TYMS: variants seen among roughly 807,000 people sequenced by gnomAD.
The protein encoded by TYMS is thymidylate synthetase, also known as thymidylate synthase.
TYMS carries 21 observed loss-of-function variants against 39.3 expected under a neutral mutation model. That is an observed-to-expected ratio of 0.54 (90% confidence interval 0.38 to 0.77). TYMS has a LOEUF of 0.77. Ranked by LOEUF, TYMS falls within the 30% of genes least tolerant of loss-of-function variation. TYMS has a pLI of 0.00. For synonymous variants in TYMS, 171 were observed against 162.2 expected (o/e 1.05, Z -0.41); for missense variants, 273 against 406.7 (o/e 0.67, Z 2.83).
Position 658,757 on chromosome 18 carries a change from G to A in TYMS, c.205+810G>A. ...GGGGAGGGGACTCGAAGGTGTGTGA[G>A]CCAGGGGCTGACCTTGACCGCTCAG... On this transcript the variant is annotated intron_variant, in intron 1 of 6. Transcript: ENST00000323274. This position sits in a 1 kb window ranked among gnomAD's most constrained non-coding sequence, Gnocchi z 4.5. 4.8e-6 allele frequency: 1 copy of A among 208,186 alleles called. No homozygotes were observed. The highest frequency in any genetic ancestry group is 9.7e-6 in the Non-Finnish European group (1 of 103,408). 12.9% of individuals were successfully genotyped at this position (208,186 alleles called of 1,614,324 possible).
Position 658,843 on chromosome 18 carries a change from G to A in TYMS, c.206-798G>A, listed in dbSNP as rs1291984895. 1 of 162,900 alleles carries A rather than the reference G, an allele frequency of 6.1e-6. No individual in the cohort carries two copies. The highest frequency in any genetic ancestry group is 1.8e-4 in the South Asian group (1 of 5,502). The allele number at this position is 162,900 out of a possible 1,614,324, so 10.1% of individuals were successfully genotyped here. On this transcript the variant is annotated intron_variant, in intron 1 of 6. Coordinates refer to ENST00000323274, the MANE Select transcript of TYMS (RefSeq NM_001071.4). The surrounding 1 kb of genome is among the most constrained non-coding windows in gnomAD (Gnocchi z 4.5). ...TGGTTTTGAATGGGGAAACCCATTC[G>A]TGGTGAAGCAGATTCACTGTAGCTA...
intron 3 of TYMS, among the ~76,000 whole-genome samples, chr18:666,304 T>C (rs2074815012): frequency 6.6e-6 from 1 of 151,960 alleles, no homozygotes; most frequent in African/African-American, 2.4e-5. Flanking sequence ...TGCTTTGTTG[T>C]GGCTTTAATC....
At position 673,342 on chromosome 18, in the gene TYMS, G is replaced by T; in HGVS notation, c.*345G>T. 4.3e-6 allele frequency: 1 copy of T among 231,994 alleles called. No homozygotes were observed. Among genetic ancestry groups the T allele is most frequent in the Non-Finnish European group, 8.5e-6 (1 of 117,828 alleles). 14.4% of individuals were successfully genotyped at this position (231,994 alleles called of 1,614,324 possible). A position where few individuals can be genotyped will look rare whatever the true frequency, so the allele number is the denominator to read the frequency against. Reference sequence around the variant, plus strand: ...TTGGTGAATTTCACAAGCTATTTTTGGAATATTTTTAGAATATTTTAAGAA... The same window carrying T: ...TTGGTGAATTTCACAAGCTATTTTTTGAATATTTTTAGAATATTTTAAGAA... On this transcript the variant is annotated 3_prime_UTR_variant, in exon 7 of 7. Transcript: ENST00000323274.
rs1234006261 is a variant in TYMS, at chr18:660,964, G to A, written c.280-1182G>A. 6.6e-6 allele frequency among the ~76,000 whole-genome samples: 1 copy of A among 152,122 alleles called. No homozygotes were observed. The highest frequency in any genetic ancestry group is 1.5e-5 in the Non-Finnish European group (1 of 68,022). Reference sequence around the variant, plus strand: ...GGTCTGCCTTAGCTCTGTATTCTTGGGGTATTTTGTTCTGTATTGGCCTAT... The same window carrying A: ...GGTCTGCCTTAGCTCTGTATTCTTGAGGTATTTTGTTCTGTATTGGCCTAT... On this transcript the variant is annotated intron_variant, in intron 2 of 6. Transcript: ENST00000323274. The surrounding 1 kb of genome is among the most constrained non-coding windows in gnomAD (Gnocchi z 4.6).
intron 3 of TYMS, among the ~76,000 whole-genome samples, chr18:665,303 C>T (rs1422485660): frequency 3.3e-5 from 5 of 150,892 alleles, no homozygotes; most frequent in African/African-American, 4.9e-5. Flanking sequence ...AGTTTATTTG[C>T]GTAGAGGTGT....
rs140212927 is a variant in TYMS, at chr18:666,891, AGATGGT to A, written c.455-2175_455-2170del. Reference sequence around the variant, plus strand: ...GTTAGGGATGACGAAAAAGTTCGGGAGATGGTGATGGAGATGGTGATGGTGATGGAG... The same window carrying A: ...GTTAGGGATGACGAAAAAGTTCGGGAGATGGAGATGGTGATGGTGATGGAG... On this transcript the variant is annotated intron_variant, in intron 3 of 6. Coordinates refer to ENST00000323274, the MANE Select transcript of TYMS (RefSeq NM_001071.4). 6.7e-3 allele frequency among the ~76,000 whole-genome samples: 418 copies of A among 62,176 alleles called. 55 individuals carry two copies. Among genetic ancestry groups the A allele is most frequent in the African/African-American group, 0.036 (383 of 10,684 alleles). The allele number at this position is 62,176 out of a possible 152,430, so 40.8% of individuals were successfully genotyped here.
Position 670,880 on chromosome 18 carries a change from G to C in TYMS, c.732+13G>C. The C allele has an allele frequency of 6.2e-7, 1 of 1,613,282 alleles. No homozygotes were observed. On this transcript the variant is annotated intron_variant, in intron 5 of 6. Transcript: ENST00000323274. Reference sequence around the variant, plus strand: ...CACGGGCCTGAAGGTGGGCTGTCTCGGGAAGGGTGACTTGCCAGCCTACCA... The same window carrying C: ...CACGGGCCTGAAGGTGGGCTGTCTCCGGAAGGGTGACTTGCCAGCCTACCA...
chr18:666,994 G>A (rs1370871661), intron 3 of TYMS, among the ~76,000 whole-genome samples: 1 of 5,678 alleles, frequency 1.8e-4, no homozygotes, highest in Non-Finnish European at 4.9e-4. Context: ...TGGTGATGGT[G>A]ATGGAGATGG....
chr18:659,086 A>G (rs1480978613), intron 1 of TYMS, among the ~76,000 whole-genome samples: 2 of 152,172 alleles, frequency 1.3e-5, no homozygotes, highest in East Asian at 1.9e-4. Context: ...TAGCTTCCCT[A>G]TATGTTAAAA....
intron 4 of TYMS, among the ~76,000 whole-genome samples, chr18:670,027 C>G (rs2074961165): frequency 6.8e-6 from 1 of 147,492 alleles, no homozygotes; most frequent in East Asian, 2.0e-4. Context: ...GAAATACTTG[C>G]ATCTGTAATA....
At chr18:670,113 C>T (rs1299233979) in intron 4 of TYMS, among the ~76,000 whole-genome samples, 8 of 151,334 alleles carry the variant, frequency 5.3e-5, no homozygotes, top group Non-Finnish European at 1.0e-4. Context: ...GTGTGATCTC[C>T]GCTCACGGCA....
At position 658,380 on chromosome 18, in the gene TYMS, A is replaced by C. The variant is rs2074716646; in HGVS notation, c.205+433A>C. 1 of 1,267,992 alleles carries C rather than the reference A, an allele frequency of 7.9e-7. No homozygotes were observed. The highest frequency in any genetic ancestry group is 5.6e-5 in the East Asian group (1 of 17,988). 78.5% of individuals were successfully genotyped at this position (1,267,992 alleles called of 1,614,324 possible). The stretch of plus-strand genomic sequence containing the variant: ...ACCATTCCGCTTCGCAGCGTTTTCA[A>C]AAACTGGAGCGAAAGTGATGTGGGC... On this transcript the variant is annotated intron_variant, in intron 1 of 6. Coordinates refer to ENST00000323274, the MANE Select transcript of TYMS (RefSeq NM_001071.4). This position sits in a 1 kb window ranked among gnomAD's most constrained non-coding sequence, Gnocchi z 4.5.
chr18:669,217 TAGAGGGA>T, intron 4 of TYMS, 44 bp downstream of exon 4: 1 of 1,554,008 alleles, frequency 6.4e-7, no homozygotes, highest in South Asian at 1.1e-5. Flanking sequence ...ACCATACTCT[TAGAGGGA>T]AGCAATCTGG....
chr18:662,051 G>C, intron 2 of TYMS, 95 bp from the exon 3 acceptor site: 4 of 1,359,094 alleles, frequency 2.9e-6, no homozygotes, highest in Non-Finnish European at 4.0e-6. Flanking sequence ...AGTCAGCAGG[G>C]GCCAGAGGCC....
intron 1 of TYMS, among the ~76,000 whole-genome samples, chr18:659,251 C>T (rs1225943898): frequency 6.6e-6 from 1 of 152,118 alleles, no homozygotes. Flanking sequence ...CTCTGTGGCT[C>T]GACACTTCTG....
At chr18:659,830 C>T in intron 2 of TYMS, 116 bp downstream of exon 2, 2 of 861,750 alleles carry the variant, frequency 2.3e-6, no homozygotes, top group South Asian at 2.9e-5. Flanking sequence ...AATCCCACCA[C>T]TTTGGGAGGC....
intron 6 of TYMS, 37 bp downstream of exon 6, chr18:671,488 T>C: frequency 7.5e-7 from 1 of 1,336,928 alleles, no homozygotes; most frequent in Non-Finnish European, 1.1e-6. Flanking sequence ...GTTTGGTACC[T>C]TCTCTTGATA....
Position 660,823 on chromosome 18 carries a change from A to T in TYMS, c.279+1109A>T, listed in dbSNP as rs35517586. Among the ~76,000 whole-genome samples the T allele has an allele frequency of 1.3e-5, 2 of 152,166 alleles. No individual in the cohort carries two copies. Among genetic ancestry groups the T allele is most frequent in the African/African-American group, 4.8e-5 (2 of 41,448 alleles). Reference sequence around the variant, plus strand: ...TCTGGGCTCAGGTCTGGGCCATACTAGAAGCTGGGATCCCTTCTATAGAGC... The same window carrying T: ...TCTGGGCTCAGGTCTGGGCCATACTTGAAGCTGGGATCCCTTCTATAGAGC... On this transcript the variant is annotated intron_variant, in intron 2 of 6. Transcript: ENST00000323274. This position sits in a 1 kb window ranked among gnomAD's most constrained non-coding sequence, Gnocchi z 4.6.
rs2075176303 is a variant in TYMS at position 673,564 on chromosome 18, C to G, written c.*567C>G. The G allele has an allele frequency of 1.6e-5, 3 of 182,746 alleles. No homozygotes were observed. The highest frequency in any genetic ancestry group is 1.2e-4 in the Admixed American group (2 of 16,034). 11.3% of individuals were successfully genotyped at this position (182,746 alleles called of 1,614,324 possible). A position where few individuals can be genotyped will look rare whatever the true frequency, so the allele number is the denominator to read the frequency against. On this transcript the variant is annotated 3_prime_UTR_variant, in exon 7 of 7. Transcript: ENST00000323274. ...TTCCTTCCTAAAATAGATTAAAGAA[C>G]TCTCCTTAAGTAAACATGTGCTGTA... is the stretch of plus-strand genomic sequence containing the variant.
Sources: allele counts gnomAD v4.1 joint callset (sites outside exome capture counted in the v4.1 genomes callset), GRCh38; gene constraint gnomAD v4.1.1; non-coding constraint Gnocchi (gnomAD v3.1); transcripts MANE v1.5; gene names NCBI Gene and HGNC (gene_info 2026-07-23, HGNC 2026-07-21).